The following KIF20A variants were observed in gnomAD, a reference collection of about 807,000 sequenced individuals.
The protein encoded by KIF20A is kinesin-like protein KIF20A.
Under a neutral mutation model 113.0 loss-of-function variants are expected in KIF20A, and 66 were observed. The observed-to-expected ratio is 0.58, with a 90% CI of 0.48 to 0.72. The LOEUF (loss-of-function observed/expected upper bound fraction) is 0.72, where lower values mean the gene tolerates loss of function less well. Among genes scored for constraint, KIF20A ranks in the 30% least tolerant of loss-of-function variants. The probability of loss-of-function intolerance (pLI) is 0.00; values close to 1 mark genes in which losing one functional copy is unlikely to be tolerated. For missense variants in KIF20A, 927 were observed against 1,077.6 expected (o/e 0.86, Z 1.96); for synonymous variants, 376 against 402.3 (o/e 0.93, Z 0.78).
At chr5:138,186,796 G>A (rs1202467640) in intron 18 of KIF20A, among the ~76,000 whole-genome samples, 1 of 152,180 alleles carries the variant, frequency 6.6e-6, no homozygotes, top group African/African-American at 2.4e-5. Flanking sequence ...TTAAAATTGT[G>A]TATCTTAAAC....
intron 17 of KIF20A, 25 bp from the exon 18 acceptor site, chr5:138,186,269 A>G: frequency 1.3e-6 from 2 of 1,580,902 alleles, no homozygotes; most frequent in Non-Finnish European, 1.7e-6. Flanking sequence ...TGGCCACAAT[A>G]TGATTCCTAC....
At position 138,183,170 on chromosome 5, in the gene KIF20A, A is replaced by G; in HGVS notation, c.834A>G (p.Glu278=). ...CCTATACATTGGCTTCTTCTCCAGA[A>G]ACAAGTCATCGATGGGCACAGCCAG... ...SQCTSSSQLD[E]TSHRWAQPDT... Residue 278 remains glutamate, a splice_region_variant and synonymous_variant, in exon 8 of 19, where the codon GAA becomes GAG. Coordinates refer to ENST00000394894, the MANE Select transcript of KIF20A (RefSeq NM_005733.3). The surrounding 1 kb of genome is among the most constrained non-coding windows in gnomAD (Gnocchi z 5.2). The G allele has an allele frequency of 6.2e-7, 1 of 1,613,938 alleles. No homozygotes were observed. The highest frequency in any genetic ancestry group is 2.2e-5 in the East Asian group (1 of 44,894).
rs2151234339 is a variant in KIF20A, at chr5:138,186,446, T to C, written c.2355+15T>C. The C allele has an allele frequency of 1.2e-6, 2 of 1,608,380 alleles. No individual in the cohort carries two copies. The highest frequency in any genetic ancestry group is 1.7e-6 in the Non-Finnish European group (2 of 1,178,726). ...TAATCAAACAGGTTAGGGCAAACTA[T>C]ATACCCACTTCTGTCCTACCAGCCC... On this transcript the variant is annotated intron_variant, in intron 18 of 18. Transcript: ENST00000394894.
rs1464497106 is a variant in KIF20A at position 138,183,534 on chromosome 5, G to A, written c.1092G>A (p.Lys364=). 1.2e-6 allele frequency: 2 copies of A among 1,614,150 alleles called. No homozygotes were observed. Among genetic ancestry groups the A allele is most frequent in the African/African-American group, 1.3e-5 (1 of 75,030 alleles). The change falls in exon 9 of 19, where the codon AAG becomes AAA. Residue 364 remains lysine (K), a synonymous_variant. Transcript: ENST00000394894. This position sits in a 1 kb window ranked among gnomAD's most constrained non-coding sequence, Gnocchi z 5.2. The part of the protein sequence containing the change: ...EAWKLLKVGR[K]NQSFASTHLN... ...GGAAGCTCCTAAAAGTGGGTCGTAA[G>A]AACCAGAGCTTTGCCAGCACCCACC...
In KIF20A at chr5:138,185,567, A is replaced by G; in HGVS notation, c.1982A>G (p.Gln661Arg). 1.9e-6 allele frequency: 3 copies of G among 1,614,126 alleles called. No individual in the cohort carries two copies. The highest frequency in any genetic ancestry group is 1.3e-5 in the African/African-American group (1 of 75,070). The change falls in exon 16 of 19, where the codon CAG becomes CGG. Residue 661 changes from glutamine to arginine, a missense_variant. Physicochemically the swap from Gln to Arg is conservative, Grantham distance 43. Coordinates refer to ENST00000394894, the MANE Select transcript of KIF20A (RefSeq NM_005733.3). ...GCTCTCTTGCAGGAAGCCAGACAAC[A>G]GTCAGTGGCCCATCAGCAATCAGGG... ...LEALLQEARQQSVAHQQSGSE... is the reference protein window; with the variant it reads ...LEALLQEARQRSVAHQQSGSE...
At chr5:138,179,940 T>C in intron 2 of KIF20A, 95 bp downstream of exon 2, 1 of 1,292,628 alleles carries the variant, frequency 7.7e-7, no homozygotes, top group Non-Finnish European at 1.1e-6. Flanking sequence ...CTAGCAATCC[T>C]AAAGGTCTGA....
rs761909526 is a variant in KIF20A, at chr5:138,184,956, G to A, written c.1823+10G>A. On this transcript the variant is annotated intron_variant, in intron 14 of 18. Transcript: ENST00000394894. The stretch of plus-strand genomic sequence containing the variant: ...GGGAACAGTGGTGCAGGTACTAGCT[G>A]AGTGACCCCTCTTGCTCTGTCACCT... The A allele has an allele frequency of 5.0e-6, 8 of 1,613,550 alleles. No homozygotes were observed. The Admixed American group carries it at 1.3e-4, about 27-fold the overall frequency.
rs1319662318 is a variant in KIF20A at position 138,187,379 on chromosome 5, T to A, written c.2639T>A (p.Leu880Ter). Reference sequence around the variant, plus strand: ...ATCCTACGCTCACGGCGTTCCCCTTTACTCAAATCTGGGCCTTTTGGCAAA... The same window carrying A: ...ATCCTACGCTCACGGCGTTCCCCTTAACTCAAATCTGGGCCTTTTGGCAAA... ...ARILRSRRSPLLKSGPFGKKY is the reference protein window; with the variant it reads ...ARILRSRRSP Residue 880 changes from leucine to a stop codon, truncating the protein, a stop_gained, in exon 19 of 19, where the codon TTA becomes TAA. Coordinates refer to ENST00000394894, the MANE Select transcript of KIF20A (RefSeq NM_005733.3). LOFTEE classifies it high-confidence loss of function. 1 of 1,614,002 alleles carries A rather than the reference T, an allele frequency of 6.2e-7. No individual in the cohort carries two copies.
At chr5:138,179,421 C>T in intron 1 of KIF20A, 1 of 457,818 alleles carries the variant, frequency 2.2e-6, no homozygotes, top group South Asian at 2.3e-5. Context: ...TAGCCTTCTG[C>T]TTTTGGAGCC....
intron 18 of KIF20A, 23 bp from the exon 19 acceptor site, chr5:138,187,073 A>G (rs767506547): frequency 3.2e-6 from 5 of 1,574,196 alleles, no homozygotes; most frequent in South Asian, 2.3e-5. Flanking sequence ...AGTGTTTTCT[A>G]TAACTTTATT....
chr5:138,186,458 T>C (rs1330469553), intron 18 of KIF20A, 27 bp downstream of exon 18: 1 of 1,601,984 alleles, frequency 6.2e-7, no homozygotes, highest in Non-Finnish European at 8.5e-7. Context: ...TACCCACTTC[T>C]GTCCTACCAG....
chr5:138,184,802 C>T lies in KIF20A; in HGVS notation c.1684-5C>T, dbSNP rs747764748. Reference sequence around the variant, plus strand: ...GATGACCTCTGACATGTGTGTCTCTCCTAGGAGCTCCTACAAGTTGTGGAA... The same window carrying T: ...GATGACCTCTGACATGTGTGTCTCTTCTAGGAGCTCCTACAAGTTGTGGAA... On this transcript the variant is annotated splice_polypyrimidine_tract_variant and splice_region_variant and intron_variant, in intron 13 of 18. Transcript: ENST00000394894. The T allele has an allele frequency of 1.2e-6, 2 of 1,613,804 alleles. No individual in the cohort carries two copies. The highest frequency in any genetic ancestry group is 1.7e-6 in the Non-Finnish European group (2 of 1,179,816).
At chr5:138,181,542 GA>G (rs1230658089) in intron 3 of KIF20A, 31 bp downstream of exon 3, 10 of 1,613,858 alleles carry the variant, frequency 6.2e-6, no homozygotes, top group Middle Eastern at 3.3e-4. Context: ...GATTCAAGGT[GA>G]AATGATGCAG....
intron 13 of KIF20A, 49 bp from the exon 14 acceptor site, chr5:138,184,758 T>C (rs1754717009): frequency 6.2e-7 from 1 of 1,611,894 alleles, no homozygotes; most frequent in Admixed American, 1.7e-5. Context: ...GCTTGTGCCT[T>C]CTGAGGGCAT....
intron 16 of KIF20A, 34 bp from the exon 17 acceptor site, chr5:138,185,927 C>A: frequency 6.3e-7 from 1 of 1,591,388 alleles, no homozygotes; most frequent in East Asian, 2.2e-5. Flanking sequence ...AAAAAAACCC[C>A]ACATATTTTA....
rs1754765766 is a variant in KIF20A, at chr5:138,187,466, T to C, written c.*53T>C. The C allele has an allele frequency of 1.4e-6, 2 of 1,448,904 alleles. No homozygotes were observed. The highest frequency in any genetic ancestry group is 2.8e-5 in the African/African-American group (2 of 70,472). The allele number at this position is 1,448,904 out of a possible 1,614,324, so 89.8% of individuals were successfully genotyped here. On this transcript the variant is annotated 3_prime_UTR_variant, in exon 19 of 19. Transcript: ENST00000394894. ...TGGCCCTGAGGTGGGTCAGCTACTCTCCTGAAGAAATAGGTCTCTTTTATG... is the reference window on the plus strand; with the variant it reads ...TGGCCCTGAGGTGGGTCAGCTACTCCCCTGAAGAAATAGGTCTCTTTTATG...
chr5:138,187,035 C>T (rs927541520), intron 18 of KIF20A, 61 bp from the exon 19 acceptor site: 2 of 1,290,294 alleles, frequency 1.6e-6, no homozygotes, highest in Non-Finnish European at 2.2e-6. Flanking sequence ...ACCCTTAGCC[C>T]TCTCGTTTCT....
chr5:138,179,918 T>G (rs552319759), intron 2 of KIF20A, 73 bp downstream of exon 2: 78 of 1,489,066 alleles, frequency 5.2e-5, no homozygotes, highest in Non-Finnish European at 6.7e-5. Flanking sequence ...CAGGGTAGTA[T>G]GAGGTCAAAG....
In KIF20A at chr5:138,184,171, G is replaced by A. The variant is rs1754706197; in HGVS notation, c.1352+66G>A. The A allele has an allele frequency of 2.5e-6, 4 of 1,611,030 alleles. No individual in the cohort carries two copies. The South Asian group carries it at 3.3e-5, about 13-fold the overall frequency. On this transcript the variant is annotated intron_variant, in intron 11 of 18. Coordinates refer to ENST00000394894, the MANE Select transcript of KIF20A (RefSeq NM_005733.3). ...AAGAGACTTCCTGGACACCACTGGGGATGGTGCTAGGATACCCAAAGGGCT... is the reference window on the plus strand; with the variant it reads ...AAGAGACTTCCTGGACACCACTGGGAATGGTGCTAGGATACCCAAAGGGCT...
Sources: allele counts gnomAD v4.1 joint callset (sites outside exome capture counted in the v4.1 genomes callset), GRCh38; gene constraint gnomAD v4.1.1; non-coding constraint Gnocchi (gnomAD v3.1); transcripts MANE v1.5; gene names NCBI Gene and HGNC (gene_info 2026-07-23, HGNC 2026-07-21).